The following CEP128 variants were observed in gnomAD, a reference collection of about 807,000 sequenced individuals.
CEP128 encodes the protein centrosomal protein 128kDa.
A neutral mutation model predicts 156.7 loss-of-function variants in CEP128; 132 were observed. The observed-to-expected ratio is 0.84, with a 90% confidence interval of 0.73 to 0.97. CEP128 has a LOEUF of 0.97. Ranked by LOEUF, CEP128 falls within the 50% of genes least tolerant of loss-of-function variation. The pLI is 0.00. For synonymous variants in CEP128, 469 were observed against 448.9 expected, an observed-to-expected ratio of 1.04 and a Z score of -0.57; for missense variants, 1,252 against 1,281.9, an observed-to-expected ratio of 0.98 and a Z score of 0.36.
chr14:80,516,902 C>T (rs1316713104), intron 23 of CEP128, among the ~76,000 whole-genome samples: 1 of 152,150 alleles, frequency 6.6e-6, no homozygotes, highest in East Asian at 1.9e-4. Flanking sequence ...GATGTTAGAA[C>T]CAGGTACTGT....
At chr14:80,954,607 T>TTCCTG (rs1886558914) in intron 2 of CEP128, among the ~76,000 whole-genome samples, 1 of 152,194 alleles carries the variant, frequency 6.6e-6, no homozygotes, top group South Asian at 2.1e-4. Flanking sequence ...AACTTTTTCC[T>TTCCTG]TCCTGTCCTA....
downstream of CEP128, among the ~76,000 whole-genome samples, chr14:80,486,705 G>T (rs1566734186): frequency 1.3e-5 from 2 of 152,164 alleles, no homozygotes; most frequent in African/African-American, 4.8e-5. Flanking sequence ...AGAGAGTGGG[G>T]GCCAATATTC....
At chr14:80,673,796 CT>C (rs537286661) in intron 19 of CEP128, among the ~76,000 whole-genome samples, 66 of 146,528 alleles carry the variant, frequency 4.5e-4, no homozygotes, top group Admixed American at 5.5e-4. Flanking sequence ...CTCTCTCTCT[CT>C]TTTTTTTTTA....
intron 19 of CEP128, among the ~76,000 whole-genome samples, chr14:80,650,485 T>G (rs971559580): frequency 8.5e-5 from 13 of 152,196 alleles, no homozygotes; most frequent in Non-Finnish European, 1.9e-4. Flanking sequence ...AGGGCATCCT[T>G]GTCTTGTGCC....
intron 8 of CEP128, among the ~76,000 whole-genome samples, chr14:80,893,010 A>G (rs533504527): frequency 1.3e-5 from 2 of 152,132 alleles, no homozygotes; most frequent in Non-Finnish European, 2.9e-5. Context: ...ATCACCTTGT[A>G]AAGATTCTGC....
intron 19 of CEP128, among the ~76,000 whole-genome samples, chr14:80,700,495 T>C (rs1166433002): frequency 6.6e-6 from 1 of 151,932 alleles, no homozygotes; most frequent in African/African-American, 2.4e-5. Flanking sequence ...AACCAAAGAA[T>C]AATACACATC....
At chr14:80,791,739 A>C in intron 14 of CEP128, among the ~76,000 whole-genome samples, 1 of 152,232 alleles carries the variant, frequency 6.6e-6, no homozygotes. Flanking sequence ...AGCAATCCAC[A>C]GTGAGTGCAA....
At chr14:80,870,185 T>C (rs552156246) in intron 8 of CEP128, among the ~76,000 whole-genome samples, 13 of 152,152 alleles carry the variant, frequency 8.5e-5, no homozygotes, top group African/African-American at 3.1e-4. Flanking sequence ...GAAAAGCTAA[T>C]GCCAATCCTT....
chr14:80,511,857 T>G (rs1267995314), intron 23 of CEP128, among the ~76,000 whole-genome samples: 2 of 152,134 alleles, frequency 1.3e-5, no homozygotes, highest in East Asian at 3.8e-4. Context: ...CACTGGTCAT[T>G]CAAGAGCATA....
intron 7 of CEP128, 95 bp downstream of exon 7, chr14:80,899,843 A>AT (rs1883427901): frequency 4.5e-6 from 4 of 897,420 alleles, no homozygotes; most frequent in Non-Finnish European, 7.1e-6. Context: ...CAAACACAAC[A>AT]TTTTTTAAAA....
intron 15 of CEP128, among the ~76,000 whole-genome samples, chr14:80,780,476 A>T (rs1316527861): frequency 6.6e-6 from 1 of 152,134 alleles, no homozygotes; most frequent in Non-Finnish European, 1.5e-5. Flanking sequence ...CTCTAGAGCA[A>T]CTTCAATACC....
chr14:80,893,862 T>A (rs1889222882), intron 8 of CEP128, among the ~76,000 whole-genome samples: 1 of 151,990 alleles, frequency 6.6e-6, no homozygotes, highest in Non-Finnish European at 1.5e-5. Context: ...CAGAAACAGA[T>A]GTTTGTGTAT....
At chr14:80,663,693 A>G (rs979908179) in intron 19 of CEP128, among the ~76,000 whole-genome samples, 2 of 152,170 alleles carry the variant, frequency 1.3e-5, no homozygotes, top group African/African-American at 2.4e-5. Context: ...TCACAACTCC[A>G]TGAGGTTGGC....
intron 24 of CEP128, among the ~76,000 whole-genome samples, chr14:80,502,408 C>T (rs545141992): frequency 1.3e-5 from 2 of 152,296 alleles, no homozygotes; most frequent in South Asian, 2.1e-4. Context: ...CCACTCCTGG[C>T]CTCTTGTTCT....
At chr14:80,857,126 G>A (rs1168369591) in intron 9 of CEP128, among the ~76,000 whole-genome samples, 4 of 151,444 alleles carry the variant, frequency 2.6e-5, no homozygotes, top group Non-Finnish European at 5.9e-5. Flanking sequence ...TAAAAAATGA[G>A]TCAGGAGTTT....
At chr14:80,482,417 T>A (rs1887073365) in intron 14 of CEP128, among the ~76,000 whole-genome samples, 1 of 152,208 alleles carries the variant, frequency 6.6e-6, no homozygotes, top group Admixed American at 6.5e-5. Flanking sequence ...ACTTTCTTAG[T>A]TATAATGTCA....
intron 23 of CEP128, among the ~76,000 whole-genome samples, chr14:80,511,222 A>G (rs1888238692): frequency 6.6e-6 from 1 of 151,980 alleles, no homozygotes; most frequent in East Asian, 1.9e-4. Context: ...TCAGCAGTGA[A>G]GCCATCAGGT....
chr14:80,561,917 T>TATATATATATATATATATATA (rs1463564179), intron 20 of CEP128, among the ~76,000 whole-genome samples: 1 of 148,194 alleles, frequency 6.7e-6, no homozygotes. Context: ...TATATATTTG[T>TATATATATATATATATATATA]TTTGTTTTGT....
chr14:80,941,985 T>C (rs1164630756), upstream of CEP128, among the ~76,000 whole-genome samples: 1 of 152,016 alleles, frequency 6.6e-6, no homozygotes, highest in African/African-American at 2.4e-5. Flanking sequence ...GCCTCCTTTG[T>C]AGGAGGCAAA....
Sources: allele counts gnomAD v4.1 joint callset (sites outside exome capture counted in the v4.1 genomes callset), GRCh38; gene constraint gnomAD v4.1.1; transcripts MANE v1.5; gene names NCBI Gene and HGNC (gene_info 2026-07-23, HGNC 2026-07-21).